The following IGFBP2 variants were observed in gnomAD, a reference collection of about 807,000 sequenced individuals.
The protein encoded by IGFBP2 is insulin-like growth factor-binding protein 2.
A neutral mutation model predicts 26.2 loss-of-function variants in IGFBP2; 12 were observed. The observed-to-expected ratio is 0.46, with a 90% confidence interval of 0.29 to 0.74. IGFBP2 has a LOEUF of 0.74. Ranked by LOEUF, IGFBP2 falls within the 30% of genes least tolerant of loss-of-function variation. The pLI is 0.09. For synonymous variants in IGFBP2, 189 were observed against 200.6 expected (o/e 0.94, Z 0.49); for missense variants, 328 against 441.2 (o/e 0.74, Z 2.30).
chr2:216,645,443 A>C (rs952701319), intron 1 of IGFBP2, among the ~76,000 whole-genome samples: 1 of 152,186 alleles, frequency 6.6e-6, no homozygotes, highest in Non-Finnish European at 1.5e-5. Flanking sequence ...TTGGTTAACA[A>C]CCTGGGCTTG....
intron 1 of IGFBP2, among the ~76,000 whole-genome samples, chr2:216,649,849 G>A (rs1296403691): frequency 1.3e-5 from 2 of 152,154 alleles, no homozygotes; most frequent in East Asian, 1.9e-4. Flanking sequence ...TCACTCGGGG[G>A]GAGCCCGAGA....
intron 1 of IGFBP2, among the ~76,000 whole-genome samples, chr2:216,644,883 C>A (rs1697680701): frequency 6.6e-6 from 1 of 152,234 alleles, no homozygotes; most frequent in African/African-American, 2.4e-5. Context: ...TCTCTAGATT[C>A]TTCCAGCTCT....
intron 1 of IGFBP2, among the ~76,000 whole-genome samples, chr2:216,657,288 T>A (rs1199756777): frequency 6.6e-6 from 1 of 152,118 alleles, no homozygotes; most frequent in Non-Finnish European, 1.5e-5. Context: ...AGGCTGGGGA[T>A]GAGTGCGTGC....
intron 1 of IGFBP2, 59 bp downstream of exon 1, chr2:216,634,024 C>A: frequency 4.0e-6 from 6 of 1,517,794 alleles, no homozygotes; most frequent in Non-Finnish European, 3.5e-6. Context: ...AGAAGCCCGA[C>A]GGGCGGCTGG....
chr2:216,640,087 C>T (rs1697582424), intron 1 of IGFBP2, among the ~76,000 whole-genome samples: 1 of 152,160 alleles, frequency 6.6e-6, no homozygotes, highest in Non-Finnish European at 1.5e-5. Context: ...CTTTCCCACA[C>T]TTCTCCCTTC....
At chr2:216,653,237 T>C (rs1697859932) in intron 1 of IGFBP2, among the ~76,000 whole-genome samples, 1 of 152,174 alleles carries the variant, frequency 6.6e-6, no homozygotes, top group Admixed American at 6.5e-5. Context: ...GAATCACCAA[T>C]TTCCAAATAG....
At chr2:216,661,101 CTT>C (rs959568875) in intron 2 of IGFBP2, 3 of 342,178 alleles carry the variant, frequency 8.8e-6, no homozygotes, top group Non-Finnish European at 5.4e-6. Context: ...CTTGCTTACT[CTT>C]TTTTTTTTCC....
intron 1 of IGFBP2, among the ~76,000 whole-genome samples, chr2:216,650,098 A>G (rs1232270627): frequency 6.6e-6 from 1 of 152,196 alleles, no homozygotes; most frequent in East Asian, 1.9e-4. Context: ...GAGAATCACA[A>G]AGGCATGGGG....
chr2:216,648,776 T>G (rs1294790997), intron 1 of IGFBP2, among the ~76,000 whole-genome samples: 1 of 152,092 alleles, frequency 6.6e-6, no homozygotes, highest in Admixed American at 6.5e-5. Flanking sequence ...GCCTGGCTAA[T>G]TTTTGTATTT....
intron 1 of IGFBP2, among the ~76,000 whole-genome samples, chr2:216,646,072 C>T (rs1697704393): frequency 1.3e-5 from 2 of 152,196 alleles, no homozygotes; most frequent in Non-Finnish European, 2.9e-5. Flanking sequence ...TTTAAAGACA[C>T]TTATTTATAT....
chr2:216,645,403 G>T (rs1467081976), intron 1 of IGFBP2, among the ~76,000 whole-genome samples: 1 of 152,212 alleles, frequency 6.6e-6, no homozygotes, highest in Non-Finnish European at 1.5e-5. Context: ...TCTTTCCTTA[G>T]GTGATGCCAA....
At chr2:216,659,568 A>G (rs1297783938) in intron 1 of IGFBP2, 1 of 669,096 alleles carries the variant, frequency 1.5e-6, no homozygotes, top group Non-Finnish European at 2.7e-6. Flanking sequence ...CTGCCGTGCG[A>G]TTCAGATCCT....
intron 1 of IGFBP2, among the ~76,000 whole-genome samples, chr2:216,654,965 A>C (rs2106201855): frequency 6.6e-6 from 1 of 152,316 alleles, no homozygotes. Context: ...ACCTGGAGCC[A>C]GGGTTGCATA....
chr2:216,654,607 C>G (rs1443799126), intron 1 of IGFBP2, among the ~76,000 whole-genome samples: 1 of 152,180 alleles, frequency 6.6e-6, no homozygotes, highest in Non-Finnish European at 1.5e-5. Context: ...ATTTCCCTTC[C>G]CTGGGCTTCT....
At chr2:216,638,866 A>G (rs1447852314) in intron 1 of IGFBP2, among the ~76,000 whole-genome samples, 1 of 149,988 alleles carries the variant, frequency 6.7e-6, no homozygotes, top group East Asian at 2.0e-4. Context: ...CGCCCGGCTA[A>G]CTTTTTGTAT....
Position 216,633,912 on chromosome 2 carries a change from C to G in IGFBP2, c.389C>G (p.Thr130Ser), listed in dbSNP as rs749788655. ...CAGGCGCTGGTCATGGGCGAGGGCA[C>G]TTGTGAGAAGCGCCGGGACGCCGAG... The part of the protein sequence containing the change: ...PLQALVMGEG[T>S]CEKRRDAEYG... Residue 130 changes from threonine to serine, a missense_variant, in exon 1 of 4, where the codon ACT (threonine) becomes AGT (serine). Physicochemically the swap from Thr to Ser is moderately conservative, Grantham distance 58. Coordinates refer to ENST00000233809, the MANE Select transcript of IGFBP2 (RefSeq NM_000597.3). 6.2e-7 allele frequency: 1 copy of G among 1,601,660 alleles called. No homozygotes were observed. The highest frequency in any genetic ancestry group is 1.1e-5 in the South Asian group (1 of 88,722).
chr2:216,650,099 A>G (rs974250949), intron 1 of IGFBP2, among the ~76,000 whole-genome samples: 2 of 152,220 alleles, frequency 1.3e-5, no homozygotes, highest in Non-Finnish European at 2.9e-5. Context: ...AGAATCACAA[A>G]GGCATGGGGG....
intron 1 of IGFBP2, among the ~76,000 whole-genome samples, chr2:216,646,311 G>A (rs567696000): frequency 1.3e-5 from 2 of 152,252 alleles, no homozygotes; most frequent in Middle Eastern, 3.4e-3. Flanking sequence ...TTGCATCATC[G>A]AAACTGAATT....
At chr2:216,646,334 G>A (rs1359924890) in intron 1 of IGFBP2, among the ~76,000 whole-genome samples, 2 of 152,118 alleles carry the variant, frequency 1.3e-5, no homozygotes, top group African/African-American at 2.4e-5. Flanking sequence ...TTGAATGTGG[G>A]TCTTAGGACA....
Sources: allele counts gnomAD v4.1 joint callset (sites outside exome capture counted in the v4.1 genomes callset), GRCh38; gene constraint gnomAD v4.1.1; transcripts MANE v1.5; gene names NCBI Gene and HGNC (gene_info 2026-07-23, HGNC 2026-07-21).